Variants in ATP2C2 observed in about 807,000 individuals in gnomAD.
The protein encoded by ATP2C2 is ATPase secretory pathway Ca2+ transporting 2.
In ATP2C2, 171 loss-of-function variants were observed where a neutral mutation model predicts 110.8. The ratio of observed to expected loss-of-function variants is 1.54; its 90% CI spans 1.36 to 1.75. The LOEUF (loss-of-function observed/expected upper bound fraction) is 1.75, where lower values mean the gene tolerates loss of function less well. Among genes scored for constraint, ATP2C2 ranks in the 40% most tolerant of loss-of-function variants. ATP2C2 has a pLI of 0.00. For synonymous variants in ATP2C2, 804 were observed against 508.4 expected (o/e 1.58, Z -7.82); for missense variants, 1,963 against 1,235.0 (o/e 1.59, Z -8.84).
In ATP2C2 at chr16:84,451,957, T is replaced by C; in HGVS notation, c.1697T>C (p.Leu566Pro). ...GCTTCTGGGCCCGAGCTGGGGCGGC[T>C]GACGTTTCTCGGTCTTGTGGGCATC... Reference protein sequence around the residue: ...ALASGPELGRLTFLGLVGIID... With the variant: ...ALASGPELGRPTFLGLVGIID... The change falls in exon 18 of 27, where the codon CTG becomes CCG. Residue 566 changes from leucine to proline, a missense_variant. Physicochemically the swap from Leu to Pro is moderately conservative, Grantham distance 98. Coordinates refer to ENST00000262429, the MANE Select transcript of ATP2C2 (RefSeq NM_014861.4). 1 of 1,613,990 alleles carries C rather than the reference T, an allele frequency of 6.2e-7. No individual in the cohort carries two copies. Among genetic ancestry groups the C allele is most frequent in the Non-Finnish European group, 8.5e-7 (1 of 1,179,990 alleles).
At chr16:84,376,422 C>T (rs1910252256) in intron 1 of ATP2C2, among the ~76,000 whole-genome samples, 1 of 152,190 alleles carries the variant, frequency 6.6e-6, no homozygotes, top group Non-Finnish European at 1.5e-5. Flanking sequence ...CAAGGGATTA[C>T]TACTGGGTGA....
chr16:84,378,187 T>G (rs1398261450), intron 1 of ATP2C2, among the ~76,000 whole-genome samples: 2 of 152,176 alleles, frequency 1.3e-5, no homozygotes, highest in Non-Finnish European at 2.9e-5. Context: ...TTCACCCCCA[T>G]GCACTTCTCA....
intron 2 of ATP2C2, 27 bp from the exon 3 acceptor site, chr16:84,405,101 G>A (rs778753692): frequency 6.3e-7 from 1 of 1,594,886 alleles, no homozygotes; most frequent in Non-Finnish European, 8.6e-7. Flanking sequence ...GCCCATGAGT[G>A]AGCTTGTGCC....
intron 3 of ATP2C2, among the ~76,000 whole-genome samples, chr16:84,406,254 A>C (rs1258458490): frequency 6.6e-6 from 1 of 152,226 alleles, no homozygotes. Context: ...TGCAATTGAC[A>C]TGGCTCCAAG....
At chr16:84,425,865 G>C (rs1907768256) in intron 11 of ATP2C2, 64 bp downstream of exon 11, 4 of 1,565,004 alleles carry the variant, frequency 2.6e-6, no homozygotes, top group Admixed American at 1.7e-5. Flanking sequence ...GCCCTTCCCT[G>C]CCGCAAGAGA....
chr16:84,462,383 G>A (rs567894802), intron 26 of ATP2C2: 21 of 422,680 alleles, frequency 5.0e-5, no homozygotes, highest in South Asian at 1.5e-4. Context: ...AAGGGGCACC[G>A]GCATCCCAGG....
chr16:84,461,356 C>T (rs1184569920), intron 24 of ATP2C2: 2 of 394,290 alleles, frequency 5.1e-6, no homozygotes, highest in African/African-American at 4.1e-5. Context: ...CCAGCTCTCC[C>T]TCTACTACTG....
Position 84,454,981 on chromosome 16 carries a change from T to C in ATP2C2, c.2144T>C (p.Ile715Thr), listed in dbSNP as rs1437386384. ...MILVDDDFSA[I>T]MNAVEEGKGI... ...CTGGTGGATGATGACTTCTCAGCCATCATGTAAGCTGCCCTTCTGGTTGTT... is the reference window on the plus strand; with the variant it reads ...CTGGTGGATGATGACTTCTCAGCCACCATGTAAGCTGCCCTTCTGGTTGTT... Residue 715 changes from isoleucine (I) to threonine (T), a missense_variant, in exon 21 of 27, where the codon ATC (isoleucine) becomes ACC (threonine). Transcript: ENST00000262429. 3 of 1,612,264 alleles carry C rather than the reference T, an allele frequency of 1.9e-6. No individual in the cohort carries two copies. The highest frequency in any genetic ancestry group is 2.5e-6 in the Non-Finnish European group (3 of 1,179,308).
chr16:84,372,067 CA>C (rs1909986066), intron 1 of ATP2C2, among the ~76,000 whole-genome samples: 1 of 152,114 alleles, frequency 6.6e-6, no homozygotes, highest in African/African-American at 2.4e-5. Flanking sequence ...GAGTTCTAGA[CA>C]GAAGAGGTAG....
intron 24 of ATP2C2, 113 bp from the exon 25 acceptor site, chr16:84,461,601 G>GT (rs1384069137): frequency 3.2e-6 from 3 of 924,296 alleles, no homozygotes; most frequent in Non-Finnish European, 5.3e-6. Context: ...TCATGAGCTT[G>GT]TAAGTGGCTC....
intron 7 of ATP2C2, among the ~76,000 whole-genome samples, chr16:84,419,500 G>A (rs907081662): frequency 1.3e-5 from 2 of 152,182 alleles, no homozygotes; most frequent in Admixed American, 6.5e-5. Context: ...AGTTAGTCAC[G>A]TCTGCATAGT....
At chr16:84,453,114 C>A (rs147097401) in intron 18 of ATP2C2, 24 bp from the exon 19 acceptor site, 2 of 1,586,144 alleles carry the variant, frequency 1.3e-6, no homozygotes, top group East Asian at 2.3e-5. Flanking sequence ...TCAGAGCAGG[C>A]CCTCAGAACA....
intron 11 of ATP2C2, among the ~76,000 whole-genome samples, chr16:84,433,798 A>G (rs1908500694): frequency 6.6e-6 from 1 of 152,176 alleles, no homozygotes; most frequent in South Asian, 2.1e-4. Context: ...TCCAGAAGAA[A>G]AAGCAAAAAA....
intron 4 of ATP2C2, among the ~76,000 whole-genome samples, chr16:84,409,003 C>G (rs9938119): frequency 0.015 from 2,272 of 152,220 alleles, 55 homozygotes; most frequent in African/African-American, 0.053. Flanking sequence ...AGAAGGAAAC[C>G]CTGTGCTCAC....
At chr16:84,412,402 CTG>C (rs945877174) in intron 6 of ATP2C2, among the ~76,000 whole-genome samples, 33 of 124,514 alleles carry the variant, frequency 2.7e-4, no homozygotes, top group Non-Finnish European at 4.1e-4. Flanking sequence ...CTGTGTGTGT[CTG>C]TGCATGTGTC....
intron 1 of ATP2C2, among the ~76,000 whole-genome samples, chr16:84,394,002 C>CAA (rs202138049): frequency 2.2e-4 from 26 of 117,488 alleles, no homozygotes; most frequent in African/African-American, 8.2e-4. Flanking sequence ...TTAAAAATAC[C>CAA]AAAAAAAATA....
At chr16:84,460,981 T>C (rs1268913666) in intron 24 of ATP2C2, 180 bp downstream of exon 24, 2 of 842,776 alleles carry the variant, frequency 2.4e-6, no homozygotes, top group Non-Finnish European at 1.7e-6. Context: ...GGGTGACCCT[T>C]GAAAGAAGGG....
At chr16:84,434,270 G>A (rs1405499147) in intron 11 of ATP2C2, among the ~76,000 whole-genome samples, 1 of 140,766 alleles carries the variant, frequency 7.1e-6, no homozygotes, top group Non-Finnish European at 1.5e-5. Context: ...ACAAAAATTA[G>A]CCAGGTGTGG....
intron 1 of ATP2C2, among the ~76,000 whole-genome samples, chr16:84,369,929 T>G (rs972316605): frequency 4.6e-5 from 7 of 152,250 alleles, no homozygotes; most frequent in African/African-American, 1.7e-4. Flanking sequence ...TAGAGTTCAA[T>G]TAATTGGCTG....
Sources: gnomAD v4.1 joint callset for allele counts (sites outside exome capture counted in the v4.1 genomes callset) on GRCh38, gnomAD v4.1.1 for gene constraint, MANE v1.5 for transcripts, NCBI Gene and HGNC (gene_info 2026-07-23, HGNC 2026-07-21) for gene names.